The following HSDL2 variants were observed in gnomAD, a reference collection of about 807,000 sequenced individuals.
HSDL2 encodes hydroxysteroid dehydrogenase like 2.
Under a neutral mutation model 46.3 loss-of-function variants are expected in HSDL2, and 27 were observed. The ratio of observed to expected loss-of-function variants is 0.58; its 90% CI spans 0.43 to 0.80. The LOEUF is 0.80. HSDL2 is among the 30% of genes least tolerant of loss of function. The pLI, the probability that HSDL2 is intolerant of heterozygous loss-of-function variation, is 0.00. For synonymous variants in HSDL2, 153 were observed against 163.6 expected (o/e 0.94, Z 0.50); for missense variants, 451 against 502.7 (o/e 0.90, Z 0.98).
chr9:112,421,855 G>A (rs1214557603), intron 6 of HSDL2, among the ~76,000 whole-genome samples: 1 of 152,170 alleles, frequency 6.6e-6, no homozygotes, highest in Non-Finnish European at 1.5e-5. Flanking sequence ...CGGTGGGCAG[G>A]TGAGCCTATG....
intron 6 of HSDL2, among the ~76,000 whole-genome samples, chr9:112,436,951 T>C (rs1480607954): frequency 8.3e-6 from 1 of 120,412 alleles, no homozygotes; most frequent in African/African-American, 3.3e-5. Context: ...CTCTTTCTTT[T>C]CTTTTTTTCT....
At chr9:112,390,930 C>T (rs1831327542) in intron 1 of HSDL2, among the ~76,000 whole-genome samples, 1 of 152,090 alleles carries the variant, frequency 6.6e-6, no homozygotes, top group African/African-American at 2.4e-5. Context: ...AATCCCATCA[C>T]TTTGGGAGGC....
chr9:112,429,859 AAGC>A (rs1476486767), intron 6 of HSDL2, among the ~76,000 whole-genome samples: 3 of 152,138 alleles, frequency 2.0e-5, no homozygotes, highest in African/African-American at 7.2e-5. Context: ...TGGGAGGTCA[AAGC>A]AGGCCGATCG....
At chr9:112,466,606 A>T (rs1248269310) in intron 10 of HSDL2, among the ~76,000 whole-genome samples, 1 of 151,282 alleles carries the variant, frequency 6.6e-6, no homozygotes, top group Non-Finnish European at 1.5e-5. Flanking sequence ...CAGATACATG[A>T]TTTACAAATG....
intron 4 of HSDL2, among the ~76,000 whole-genome samples, chr9:112,416,416 A>G (rs2132639739): frequency 6.6e-6 from 1 of 150,886 alleles, no homozygotes; most frequent in South Asian, 2.1e-4. Flanking sequence ...CAACAGAGAG[A>G]CCCTGTCTTA....
chr9:112,422,323 A>G (rs1832143923), intron 6 of HSDL2, among the ~76,000 whole-genome samples: 1 of 152,196 alleles, frequency 6.6e-6, no homozygotes, highest in Non-Finnish European at 1.5e-5. Context: ...AATAAACAGA[A>G]CACCAACACC....
chr9:112,404,387 G>C (rs1399065007), intron 2 of HSDL2, among the ~76,000 whole-genome samples: 1 of 152,074 alleles, frequency 6.6e-6, no homozygotes, highest in Non-Finnish European at 1.5e-5. Flanking sequence ...TTTCATGGCG[G>C]GGCGTGGTGA....
At chr9:112,411,807 T>C (rs1458325707) in intron 4 of HSDL2, among the ~76,000 whole-genome samples, 1 of 152,216 alleles carries the variant, frequency 6.6e-6, no homozygotes, top group Non-Finnish European at 1.5e-5. Context: ...GAAAAAATTA[T>C]ATGGGAATAA....
intron 6 of HSDL2, among the ~76,000 whole-genome samples, chr9:112,436,503 A>G (rs930648769): frequency 4.6e-5 from 7 of 152,024 alleles, no homozygotes; most frequent in African/African-American, 1.5e-4. Context: ...AAAAGGGCCA[A>G]TGGCTCTTAA....
At chr9:112,389,283 A>C (rs914879198) in intron 1 of HSDL2, among the ~76,000 whole-genome samples, 15 of 152,102 alleles carry the variant, frequency 9.9e-5, no homozygotes, top group African/African-American at 3.6e-4. Flanking sequence ...TGGTCTCCCA[A>C]ATTGCTGGGA....
In HSDL2 at chr9:112,399,207, G is replaced by A. The variant is rs184380186; in HGVS notation, c.18-4788G>A. On this transcript the variant is annotated intron_variant, in intron 1 of 10. Transcript: ENST00000398805. ...AGGAATTTTACAGCTGGGCTGCCGGGGGTGACATCACATATCGGTAGGACC... is the reference window on the plus strand; with the variant it reads ...AGGAATTTTACAGCTGGGCTGCCGGAGGTGACATCACATATCGGTAGGACC... 2.1e-3 allele frequency among the ~76,000 whole-genome samples: 316 copies of A among 152,302 alleles called. 2 individuals are homozygous for A. Among genetic ancestry groups the A allele is most frequent in the Non-Finnish European group, 3.5e-3 (238 of 68,034 alleles).
intron 1 of HSDL2, among the ~76,000 whole-genome samples, chr9:112,392,768 C>G (rs372883394): frequency 1.2e-4 from 18 of 152,142 alleles, no homozygotes; most frequent in African/African-American, 4.3e-4. Context: ...GTTTTACAAT[C>G]AATTTGTACA....
intron 6 of HSDL2, among the ~76,000 whole-genome samples, chr9:112,425,721 G>A (rs1390323212): frequency 6.6e-6 from 1 of 152,026 alleles, no homozygotes; most frequent in Admixed American, 6.6e-5. Flanking sequence ...AGAAATGATA[G>A]AACTGATTTT....
intron 4 of HSDL2, among the ~76,000 whole-genome samples, chr9:112,415,528 A>C (rs1271985736): frequency 6.6e-6 from 1 of 152,160 alleles, no homozygotes; most frequent in Admixed American, 6.6e-5. Flanking sequence ...GGTCTGTCTG[A>C]CTTGAACACT....
chr9:112,404,911 A>G (rs1831689997), intron 2 of HSDL2, among the ~76,000 whole-genome samples: 1 of 116,284 alleles, frequency 8.6e-6, no homozygotes, highest in Admixed American at 9.6e-5. Context: ...CACACCAGCA[A>G]AAAATAAAAC....
chr9:112,457,966 T>TA (rs1833081206), intron 9 of HSDL2, among the ~76,000 whole-genome samples: 1 of 152,202 alleles, frequency 6.6e-6, no homozygotes, highest in South Asian at 2.1e-4. Flanking sequence ...GGGCCATACG[T>TA]AAACCTTACC....
Position 112,418,900 on chromosome 9 carries a change from T to A in HSDL2, c.540T>A (p.Leu180=). 3 of 1,606,146 alleles carry A rather than the reference T, an allele frequency of 1.9e-6. No homozygotes were observed. The highest frequency in any genetic ancestry group is 2.6e-6 in the Non-Finnish European group (3 of 1,174,552). ...AGTATGGTATGTCTATGTATGTGCT[T>A]GGAATGGCAGAAGAATTTAAAGGTG... ...IAKYGMSMYV[L]GMAEEFKGEI... The change falls in exon 6 of 11, where the codon CTT becomes CTA. Residue 180 remains leucine (L), a synonymous_variant. Transcript: ENST00000398805.
intron 1 of HSDL2, among the ~76,000 whole-genome samples, chr9:112,394,110 G>A (rs113041634): frequency 0.013 from 2,011 of 152,230 alleles, 75 homozygotes; most frequent in East Asian, 0.1. Flanking sequence ...GGGGATCGGC[G>A]TCAAAAAGAG....
At chr9:112,427,749 T>C (rs1011853634) in intron 6 of HSDL2, among the ~76,000 whole-genome samples, 4 of 152,222 alleles carry the variant, frequency 2.6e-5, no homozygotes, top group African/African-American at 9.6e-5. Context: ...TTAACATCTT[T>C]CTATATCCTG....
Sources: allele counts gnomAD v4.1 joint callset (sites outside exome capture counted in the v4.1 genomes callset), GRCh38; gene constraint gnomAD v4.1.1; transcripts MANE v1.5; gene names NCBI Gene and HGNC (gene_info 2026-07-23, HGNC 2026-07-21).